Variants in ARHGAP5 observed in about 807,000 individuals in gnomAD.
ARHGAP5 encodes the protein rho GTPase-activating protein 5.
In ARHGAP5, 23 loss-of-function variants were observed where a neutral mutation model predicts 116.6. The ratio of observed to expected loss-of-function variants is 0.20; its 90% CI spans 0.14 to 0.28. The LOEUF (loss-of-function observed/expected upper bound fraction) is 0.28. ARHGAP5 is among the 10% of genes least tolerant of loss of function. The probability of loss-of-function intolerance (pLI) is 1.00; values close to 1 mark genes in which losing one functional copy is unlikely to be tolerated. For synonymous variants in ARHGAP5, 574 were observed against 602.0 expected, an observed-to-expected ratio of 0.95 and a Z score of 0.68; for missense variants, 1,405 against 1,774.8, an observed-to-expected ratio of 0.79 and a Z score of 3.74.
chr14:32,151,996 C>G (rs924608598), intron 5 of ARHGAP5, among the ~76,000 whole-genome samples: 1 of 152,178 alleles, frequency 6.6e-6, no homozygotes, highest in Non-Finnish European at 1.5e-5. Context: ...CACAGCCTGG[C>G]TTGTTAGGAA....
intron 3 of ARHGAP5, among the ~76,000 whole-genome samples, chr14:32,140,842 T>G (rs1325211086): frequency 6.6e-6 from 1 of 152,138 alleles, no homozygotes; most frequent in African/African-American, 2.4e-5. Context: ...GTCTAGTCGG[T>G]TTTTAGTGTT....
chr14:32,088,389 C>T (rs970917144), intron 1 of ARHGAP5, among the ~76,000 whole-genome samples: 3 of 151,770 alleles, frequency 2.0e-5, no homozygotes, highest in African/African-American at 7.3e-5. Flanking sequence ...AAGAATAGAT[C>T]TTGTATTCTC....
At chr14:32,103,387 G>GATTATGTCAGTGGC (rs1594356133) in intron 2 of ARHGAP5, among the ~76,000 whole-genome samples, 2 of 152,270 alleles carry the variant, frequency 1.3e-5, no homozygotes, top group East Asian at 3.9e-4. Context: ...TAATTGGAAA[G>GATTATGTCAGTGGC]ATTATGTCAG....
rs184557667 is a variant in ARHGAP5, at chr14:32,132,439, A to T, written c.3866-13824A>T. On this transcript the variant is annotated intron_variant, in intron 3 of 6. Coordinates refer to ENST00000345122, the MANE Select transcript of ARHGAP5 (RefSeq NM_001030055.2). ...CCACTTTTTGATGGGGTTGTTTGTT[A>T]TTTTCTTGTAAATTTGTTTGAGTTC... Among the ~76,000 whole-genome samples the T allele has an allele frequency of 7.6e-3, 1,147 of 151,664 alleles. 55 individuals are homozygous for T. The East Asian group carries it at 0.13, about 17-fold the overall frequency.
In ARHGAP5 at chr14:32,155,011, A is replaced by T; in HGVS notation, c.*63A>T. The T allele has an allele frequency of 7.3e-7, 1 of 1,377,676 alleles. No individual in the cohort carries two copies. The highest frequency in any genetic ancestry group is 1.0e-6 in the Non-Finnish European group (1 of 998,018). The allele number at this position is 1,377,676 out of a possible 1,614,324, so 85.3% of individuals were successfully genotyped here. A position where few individuals can be genotyped will look rare whatever the true frequency, so the allele number is the denominator to read the frequency against. On this transcript the variant is annotated 3_prime_UTR_variant, in exon 7 of 7. Transcript: ENST00000345122. ...AAGCAAATCTAGACATGCATGTTTCAGGGTTCAGTAGTATACTTCATGTTT... is the reference window on the plus strand; with the variant it reads ...AAGCAAATCTAGACATGCATGTTTCTGGGTTCAGTAGTATACTTCATGTTT...
intron 2 of ARHGAP5, among the ~76,000 whole-genome samples, chr14:32,107,551 T>C (rs1003863302): frequency 6.6e-6 from 1 of 152,176 alleles, no homozygotes; most frequent in African/African-American, 2.4e-5. Context: ...CAAAAGGAAA[T>C]GTGACCAGAT....
chr14:32,113,958 G>A (rs896633929), intron 2 of ARHGAP5, among the ~76,000 whole-genome samples: 1 of 152,346 alleles, frequency 6.6e-6, no homozygotes, highest in Non-Finnish European at 1.5e-5. Context: ...GCCAGGCGCA[G>A]TGACTCACGC....
chr14:32,094,465 A>G (rs971500193), intron 2 of ARHGAP5, 79 bp downstream of exon 2: 27 of 1,064,508 alleles, frequency 2.5e-5, no homozygotes, highest in Middle Eastern at 2.1e-4. Context: ...CAGTGTTAGA[A>G]TTTAGTCTCA....
At chr14:32,106,305 G>A (rs1202989243) in intron 2 of ARHGAP5, among the ~76,000 whole-genome samples, 1 of 152,058 alleles carries the variant, frequency 6.6e-6, no homozygotes. Context: ...ATTTTTAGTA[G>A]AGACGGGCTT....
intron 3 of ARHGAP5, among the ~76,000 whole-genome samples, chr14:32,121,570 T>C (rs999903937): frequency 6.6e-6 from 1 of 152,222 alleles, no homozygotes; most frequent in African/African-American, 2.4e-5. Flanking sequence ...TTGAAAGATA[T>C]TTTCTTAGAT....
chr14:32,144,059 TC>T, intron 3 of ARHGAP5, among the ~76,000 whole-genome samples: 1 of 152,166 alleles, frequency 6.6e-6, no homozygotes, highest in Non-Finnish European at 1.5e-5. Context: ...GATGGAAAGT[TC>T]CTGCTATGAC....
chr14:32,113,168 T>G (rs898161491), intron 2 of ARHGAP5, among the ~76,000 whole-genome samples: 8 of 152,306 alleles, frequency 5.3e-5, no homozygotes, highest in Non-Finnish European at 1.2e-4. Context: ...CAGAATTTTG[T>G]GGAGAGTTTT....
At position 32,092,179 on chromosome 14, in the gene ARHGAP5, T is replaced by C. The variant is rs1228592185; in HGVS notation, c.1510T>C (p.Leu504=). The change falls in exon 2 of 7, where the codon TTA becomes CTA. Residue 504 remains leucine, a synonymous_variant. Coordinates refer to ENST00000345122, the MANE Select transcript of ARHGAP5 (RefSeq NM_001030055.2). The surrounding 1 kb of genome is among the most constrained non-coding windows in gnomAD (Gnocchi z 4.1). ...LFEHSELFYD[L]DLNATPSSDK... ...TGAGCATTCTGAACTTTTTTATGAT[T>C]TAGATCTTAATGCAACACCTAGTTC... 5 of 1,613,570 alleles carry C rather than the reference T, an allele frequency of 3.1e-6. No homozygotes were observed. Among genetic ancestry groups the C allele is most frequent in the Non-Finnish European group, 4.2e-6 (5 of 1,179,780 alleles).
chr14:32,116,241 C>A (rs146029994), intron 2 of ARHGAP5, among the ~76,000 whole-genome samples: 2 of 147,240 alleles, frequency 1.4e-5, no homozygotes, highest in Non-Finnish European at 3.0e-5. Context: ...GAGCCTAGAC[C>A]CTGCGCCACT....
intron 3 of ARHGAP5, among the ~76,000 whole-genome samples, chr14:32,132,762 G>A (rs142277986): frequency 0.036 from 5,451 of 152,128 alleles, 340 homozygotes; most frequent in African/African-American, 0.12. Flanking sequence ...TGATTTTTGT[G>A]TAAGGTGTAA....
intron 2 of ARHGAP5, among the ~76,000 whole-genome samples, chr14:32,105,376 C>T (rs143326608): frequency 4.7e-4 from 71 of 152,110 alleles, no homozygotes; most frequent in African/African-American, 1.5e-3. Context: ...CATTTTCATA[C>T]TAGTTGAGGT....
At chr14:32,089,219 G>A (rs2041860271) in intron 1 of ARHGAP5, among the ~76,000 whole-genome samples, 1 of 151,954 alleles carries the variant, frequency 6.6e-6, no homozygotes, top group African/African-American at 2.4e-5. Flanking sequence ...TTCACCATTA[G>A]TTAGTGTAAC....
chr14:32,146,243 A>C lies in ARHGAP5; in HGVS notation c.3866-20A>C, dbSNP rs368544628. 1 of 1,560,804 alleles carries C rather than the reference A, an allele frequency of 6.4e-7. No individual in the cohort carries two copies. The highest frequency in any genetic ancestry group is 8.8e-7 in the Non-Finnish European group (1 of 1,131,996). ...TATATATGTGTTTATTAAAGTATGC[A>C]TATTTCTTTATTCTCTTAGGGTTAT... On this transcript the variant is annotated intron_variant, in intron 3 of 6. Transcript: ENST00000345122.
chr14:32,110,892 A>G (rs947556759), intron 2 of ARHGAP5, among the ~76,000 whole-genome samples: 38 of 152,228 alleles, frequency 2.5e-4, no homozygotes, highest in African/African-American at 8.4e-4. Flanking sequence ...ATTCCAAGCA[A>G]CTGAAAGGAT....
Sources: allele counts gnomAD v4.1 joint callset (sites outside exome capture counted in the v4.1 genomes callset), GRCh38; gene constraint gnomAD v4.1.1; non-coding constraint Gnocchi (gnomAD v3.1); transcripts MANE v1.5; gene names NCBI Gene and HGNC (gene_info 2026-07-23, HGNC 2026-07-21).